Variants in PMM2 observed in about 807,000 individuals in gnomAD.
The protein encoded by PMM2 is mannose-6-phosphate isomerase.
A neutral mutation model predicts 33.2 loss-of-function variants in PMM2; 35 were observed. The observed-to-expected ratio is 1.06, with a 90% confidence interval of 0.81 to 1.40. The LOEUF (loss-of-function observed/expected upper bound fraction) is 1.40, where lower values mean the gene tolerates loss of function less well. Among genes scored for constraint, PMM2 ranks in the 40% most tolerant of loss-of-function variants. PMM2 has a pLI of 0.00. For missense variants in PMM2, 386 were observed against 306.0 expected (o/e 1.26, Z -1.95); for synonymous variants, 153 against 114.7 (o/e 1.33, Z -2.13).
At chr16:8,810,671 G>A (rs116268959) in intron 4 of PMM2, 67 of 313,932 alleles carry the variant, frequency 2.1e-4, no homozygotes, top group African/African-American at 1.4e-3. Flanking sequence ...CTATCTCCCA[G>A]GCTCATGGAA....
At chr16:8,837,386 G>T (rs1048343874) in intron 7 of PMM2, among the ~76,000 whole-genome samples, 1 of 151,968 alleles carries the variant, frequency 6.6e-6, no homozygotes, top group Non-Finnish European at 1.5e-5. Flanking sequence ...CATTTATTTA[G>T]GTTTTAGGTC....
intron 4 of PMM2, chr16:8,809,074 A>T (rs1002917636): frequency 6.6e-6 from 1 of 152,248 alleles, no homozygotes; most frequent in African/African-American, 2.4e-5. Context: ...TTTGGAGGTA[A>T]CCAGAGCAAG....
chr16:8,846,127 T>G (rs1382673275), intron 7 of PMM2, among the ~76,000 whole-genome samples: 1 of 152,178 alleles, frequency 6.6e-6, no homozygotes. Context: ...CATGGCCTCC[T>G]AACCTGACTC....
chr16:8,842,739 G>C (rs976043444), intron 7 of PMM2, among the ~76,000 whole-genome samples: 4 of 152,176 alleles, frequency 2.6e-5, no homozygotes, highest in South Asian at 4.1e-4. Context: ...AAAATGGGGG[G>C]ATTATAAGAA....
At position 8,848,354 on chromosome 16, in the gene PMM2, T is replaced by A. The variant is rs2060942940; in HGVS notation, c.*529T>A. 5.3e-6 allele frequency: 1 copy of A among 188,350 alleles called. No individual in the cohort carries two copies. The highest frequency in any genetic ancestry group is 1.1e-5 in the Non-Finnish European group (1 of 88,794). The allele number at this position is 188,350 out of a possible 1,614,324, so 11.7% of individuals were successfully genotyped here. On this transcript the variant is annotated 3_prime_UTR_variant, in exon 8 of 8. Transcript: ENST00000268261. Reference sequence around the variant, plus strand: ...AGCTCCCGCCTGCATGTCACCTTGATGGGGGCTGTGAGTGGGGCAGTGTGA... The same window carrying A: ...AGCTCCCGCCTGCATGTCACCTTGAAGGGGGCTGTGAGTGGGGCAGTGTGA...
At chr16:8,833,003 A>T (rs2060820235) in intron 7 of PMM2, 1 of 568,902 alleles carries the variant, frequency 1.8e-6, no homozygotes, top group Non-Finnish European at 2.2e-6. Context: ...TTTGCGCCGT[A>T]TCCCCAGCTG....
At chr16:8,832,665 C>G (rs1197088684) in intron 7 of PMM2, 2 of 985,334 alleles carry the variant, frequency 2.0e-6, no homozygotes, top group Admixed American at 6.1e-5. Flanking sequence ...CAATTGCGTC[C>G]TCACCCCGCA....
At position 8,812,682 on chromosome 16, in the gene PMM2, C is replaced by A. The variant is rs3826198; in HGVS notation, c.524-309C>A. Among the ~76,000 whole-genome samples the A allele has an allele frequency of 0.71, 107,714 of 152,140 alleles. 38,961 individuals are homozygous for A. Among genetic ancestry groups the A allele is most frequent in the Non-Finnish European group, 0.79 (53,837 of 68,020 alleles). ...AGCACAGCAGAATGAGGCTGGTATC[C>A]GATTTTTCATAAGCATGCTTCCTTT... On this transcript the variant is annotated intron_variant, in intron 6 of 7. Transcript: ENST00000268261.
At chr16:8,825,568 C>T (rs1012397804) in intron 7 of PMM2, among the ~76,000 whole-genome samples, 2 of 152,070 alleles carry the variant, frequency 1.3e-5, no homozygotes, top group Non-Finnish European at 2.9e-5. Context: ...TGATCGCCCA[C>T]CTCAGCCTCC....
At position 8,845,644 on chromosome 16, in the gene PMM2, T is replaced by C. The variant is rs569405361; in HGVS notation, c.640-2080T>C. 2.0e-5 allele frequency among the ~76,000 whole-genome samples: 3 copies of C among 152,116 alleles called. No homozygotes were observed. In the South Asian group the frequency reaches 6.2e-4, roughly 32 times the overall value. On this transcript the variant is annotated intron_variant, in intron 7 of 7. Transcript: ENST00000268261. ...CCCAGGCTGAAGTACAGTGGTCTGTTCTTGGCTCACTGCAATCTCCGCCTC... is the reference window on the plus strand; with the variant it reads ...CCCAGGCTGAAGTACAGTGGTCTGTCCTTGGCTCACTGCAATCTCCGCCTC...
At chr16:8,800,787 G>A (rs1191299692) in intron 1 of PMM2, among the ~76,000 whole-genome samples, 1 of 151,964 alleles carries the variant, frequency 6.6e-6, no homozygotes, top group Non-Finnish European at 1.5e-5. Flanking sequence ...GGGTTCAAGT[G>A]ATTCTCCTGC....
chr16:8,847,114 T>TC, intron 7 of PMM2, among the ~76,000 whole-genome samples: 1 of 152,166 alleles, frequency 6.6e-6, no homozygotes. Flanking sequence ...TCCACCCTTC[T>TC]CAGCCTCCCA....
chr16:8,804,022 G>GTTTTTTTTTTTTTTTT (rs770345977), intron 2 of PMM2, among the ~76,000 whole-genome samples: 1 of 25,992 alleles, frequency 3.8e-5, no homozygotes, highest in African/African-American at 1.3e-4. Context: ...TGTTTTTTGG[G>GTTTTTTTTTTTTTTTT]TTTTTTTTGT....
In PMM2 at chr16:8,847,377, T is replaced by TAAA. The variant is rs34609525; in HGVS notation, c.640-333_640-331dup. Among the ~76,000 whole-genome samples the TAAA allele has an allele frequency of 0.22, 30,522 of 140,626 alleles. 3,866 individuals carry two copies. The highest frequency in any genetic ancestry group is 0.32 in the South Asian group (1,399 of 4,318). The allele number at this position is 140,626 out of a possible 152,430, so 92.3% of individuals were successfully genotyped here. A position where few individuals can be genotyped will look rare whatever the true frequency, so the allele number is the denominator to read the frequency against. On this transcript the variant is annotated intron_variant, in intron 7 of 7. Transcript: ENST00000268261. ...CTTGTTAGAAAAGCGTAGGTACAGC[T>TAAA]AAAAAAAAAAAAAAAACTGATGGCT... is the stretch of plus-strand genomic sequence containing the variant.
At chr16:8,815,308 CTCCCTGGT>C (rs2060701279) in intron 7 of PMM2, among the ~76,000 whole-genome samples, 1 of 151,860 alleles carries the variant, frequency 6.6e-6, no homozygotes, top group South Asian at 2.1e-4. Context: ...CAACCTCCAC[CTCCCTGGT>C]TCCCTGGTTC....
chr16:8,802,673 A>G (rs2060622872), intron 2 of PMM2, among the ~76,000 whole-genome samples: 1 of 151,984 alleles, frequency 6.6e-6, no homozygotes, highest in African/African-American at 2.4e-5. Flanking sequence ...TACTAAAACT[A>G]CAAAAAATGA....
intron 7 of PMM2, among the ~76,000 whole-genome samples, chr16:8,841,816 T>C (rs994189167): frequency 2.2e-5 from 3 of 136,070 alleles, no homozygotes; most frequent in Non-Finnish European, 4.8e-5. Context: ...CAGATTGAGG[T>C]CCGGGCCAGG....
intron 7 of PMM2, among the ~76,000 whole-genome samples, chr16:8,816,842 T>C (rs936757898): frequency 6.6e-6 from 1 of 152,198 alleles, no homozygotes; most frequent in Non-Finnish European, 1.5e-5. Flanking sequence ...GAAAACTACA[T>C]AGTGGTTCCT....
At chr16:8,801,998 C>T (rs1165622152) in intron 2 of PMM2, 88 bp downstream of exon 2, 6 of 935,484 alleles carry the variant, frequency 6.4e-6, no homozygotes, top group African/African-American at 4.9e-5. Flanking sequence ...GCCCTAAAAC[C>T]TTGTCCCCAT....
Sources: allele counts gnomAD v4.1 joint callset (sites outside exome capture counted in the v4.1 genomes callset), GRCh38; gene constraint gnomAD v4.1.1; transcripts MANE v1.5; gene names NCBI Gene and HGNC (gene_info 2026-07-23, HGNC 2026-07-21).